SBF2: variants seen among roughly 807,000 people sequenced by gnomAD.
SBF2 encodes myotubularin-related protein 13.
Under a neutral mutation model 225.2 loss-of-function variants are expected in SBF2, and 112 were observed. The observed-to-expected ratio is 0.50, with a 90% confidence interval of 0.43 to 0.58. The LOEUF (loss-of-function observed/expected upper bound fraction) is 0.58, where lower values mean the gene tolerates loss of function less well. Ranked by LOEUF, SBF2 falls within the 20% of genes least tolerant of loss-of-function variation. The pLI, the probability that SBF2 is intolerant of heterozygous loss-of-function variation, is 0.00. For synonymous variants in SBF2, 763 were observed against 773.3 expected (o/e 0.99, Z 0.22); for missense variants, 1,996 against 2,206.2 (o/e 0.90, Z 1.91).
At chr11:10,100,745 C>T (rs566190538) in intron 2 of SBF2, among the ~76,000 whole-genome samples, 76 of 152,166 alleles carry the variant, frequency 5.0e-4, no homozygotes, top group Non-Finnish European at 9.7e-4. Context: ...GGTGGAGTAT[C>T]CGTCTGTAGC....
intron 16 of SBF2, among the ~76,000 whole-genome samples, chr11:9,897,531 G>C (rs1244049112): frequency 2.6e-5 from 4 of 152,146 alleles, no homozygotes; most frequent in Admixed American, 2.6e-4. Flanking sequence ...TTTTCATACA[G>C]TTATATTAAC....
chr11:9,912,869 C>A (rs745505801), intron 16 of SBF2, among the ~76,000 whole-genome samples: 3 of 152,124 alleles, frequency 2.0e-5, no homozygotes, highest in Admixed American at 6.5e-5. Context: ...ATATTGCATA[C>A]AAGAAGACAT....
At chr11:10,292,270 C>A (rs1169506452) in intron 1 of SBF2, among the ~76,000 whole-genome samples, 3 of 152,174 alleles carry the variant, frequency 2.0e-5, no homozygotes, top group Non-Finnish European at 2.9e-5. Context: ...GCAGAAAATG[C>A]ACATTAAAGT....
intron 1 of SBF2, among the ~76,000 whole-genome samples, chr11:10,245,534 G>A (rs1366264136): frequency 6.6e-6 from 1 of 152,186 alleles, no homozygotes; most frequent in Non-Finnish European, 1.5e-5. Flanking sequence ...GTGACCCTTT[G>A]TATACTGTTG....
chr11:10,060,279 G>A (rs1376771274), intron 2 of SBF2, among the ~76,000 whole-genome samples: 1 of 152,136 alleles, frequency 6.6e-6, no homozygotes, highest in Non-Finnish European at 1.5e-5. Context: ...AGAAAACCTT[G>A]AAGAGATTAA....
chr11:10,146,105 G>A (rs773351056), intron 2 of SBF2, among the ~76,000 whole-genome samples: 14 of 152,132 alleles, frequency 9.2e-5, no homozygotes, highest in Non-Finnish European at 2.1e-4. Flanking sequence ...AACATTCCAT[G>A]CTTATCAGAG....
intron 13 of SBF2, among the ~76,000 whole-genome samples, chr11:9,976,563 T>C (rs1339367445): frequency 6.6e-6 from 1 of 151,986 alleles, no homozygotes; most frequent in Non-Finnish European, 1.5e-5. Context: ...TGCCCGTGAA[T>C]AGCCACTGTA....
intron 2 of SBF2, among the ~76,000 whole-genome samples, chr11:10,072,721 C>CT (rs760663007): frequency 0.061 from 8,003 of 130,334 alleles, 314 homozygotes; most frequent in Middle Eastern, 0.15. Context: ...CCAGTGGAAT[C>CT]TTTTTTTTTT....
chr11:10,243,100 C>A (rs1591293886), intron 1 of SBF2, among the ~76,000 whole-genome samples: 2 of 151,898 alleles, frequency 1.3e-5, no homozygotes, highest in African/African-American at 4.8e-5. Context: ...CAAGTCCTAA[C>A]AAATATAAGA....
chr11:9,840,563 A>C (rs1414246286), intron 25 of SBF2, among the ~76,000 whole-genome samples: 1 of 152,188 alleles, frequency 6.6e-6, no homozygotes, highest in Admixed American at 6.5e-5. Flanking sequence ...AGTGATTTCT[A>C]TTTAGGACTC....
intron 1 of SBF2, among the ~76,000 whole-genome samples, chr11:10,243,515 A>C (rs775920202): frequency 6.6e-6 from 1 of 151,878 alleles, no homozygotes; most frequent in African/African-American, 2.4e-5. Flanking sequence ...AAAATTTTTT[A>C]ATGACAAAAT....
At position 9,808,001 on chromosome 11, in the gene SBF2, TG is replaced by T; in HGVS notation, c.4441del (p.Gln1481ArgfsTer17). 6.2e-7 allele frequency: 1 copy of T among 1,613,932 alleles called. No homozygotes were observed. The highest frequency in any genetic ancestry group is 8.5e-7 in the Non-Finnish European group (1 of 1,179,838). ...VFLQFLDCVH[Q>X]VHNQYPTEFE... is the part of the protein sequence containing the mutation. ...TCAACTCAAGCTTGCTCTACTTACCTGGTGTACACAGTCTAAGAACTGTAAG... is the reference window on the plus strand; with the variant it reads ...TCAACTCAAGCTTGCTCTACTTACCTGTGTACACAGTCTAAGAACTGTAAG... On this transcript the variant is annotated frameshift_variant and splice_region_variant, in exon 32 of 40. Coordinates refer to ENST00000256190, the MANE Select transcript of SBF2 (RefSeq NM_030962.4). LOFTEE classifies it high-confidence loss of function.
chr11:10,143,877 C>A (rs985246893), intron 2 of SBF2, among the ~76,000 whole-genome samples: 1 of 152,060 alleles, frequency 6.6e-6, no homozygotes. Flanking sequence ...GCTACCGCGC[C>A]CGGCTAATTT....
At chr11:9,997,632 G>C (rs1307334702) in intron 9 of SBF2, among the ~76,000 whole-genome samples, 4 of 152,152 alleles carry the variant, frequency 2.6e-5, no homozygotes, top group African/African-American at 7.2e-5. Context: ...CAAAAAATTA[G>C]CCGGGCGTGG....
chr11:10,300,856 C>G (rs1405201106), intron 1 of SBF2, among the ~76,000 whole-genome samples: 1 of 147,926 alleles, frequency 6.8e-6, no homozygotes, highest in African/African-American at 2.5e-5. Context: ...TGCCATGTTG[C>G]CAGGCTGGTC....
chr11:10,279,673 A>G (rs1963261302), intron 1 of SBF2, among the ~76,000 whole-genome samples: 1 of 152,116 alleles, frequency 6.6e-6, no homozygotes, highest in African/African-American at 2.4e-5. Flanking sequence ...TTTTTGAGAC[A>G]GAGTCTCCCT....
chr11:9,871,780 C>T (rs892421963), intron 17 of SBF2, among the ~76,000 whole-genome samples: 9 of 151,866 alleles, frequency 5.9e-5, no homozygotes, highest in African/African-American at 1.5e-4. Flanking sequence ...CATGAGCCAC[C>T]GTGCCCGGCC....
chr11:9,785,706 A>AAAAAATG (rs1852327908), intron 36 of SBF2, among the ~76,000 whole-genome samples: 1 of 151,846 alleles, frequency 6.6e-6, no homozygotes, highest in African/African-American at 2.4e-5. Context: ...TACAAAAAAT[A>AAAAAATG]TTTTAAAAAT....
At chr11:10,144,010 T>C (rs192059942) in intron 2 of SBF2, among the ~76,000 whole-genome samples, 75 of 152,276 alleles carry the variant, frequency 4.9e-4, no homozygotes, top group African/African-American at 1.7e-3. Flanking sequence ...TGAGCCACTG[T>C]GCCCGGCCCA....
Sources: allele counts gnomAD v4.1 joint callset (sites outside exome capture counted in the v4.1 genomes callset), GRCh38; gene constraint gnomAD v4.1.1; transcripts MANE v1.5; gene names NCBI Gene and HGNC (gene_info 2026-07-23, HGNC 2026-07-21).